Variants in SULT1E1 observed in about 807,000 individuals in gnomAD.
The protein encoded by SULT1E1 is sulfotransferase 1E1.
A neutral mutation model predicts 33.6 loss-of-function variants in SULT1E1; 36 were observed. The observed-to-expected ratio is 1.07, with a 90% CI of 0.82 to 1.41. The LOEUF (loss-of-function observed/expected upper bound fraction) is 1.41. SULT1E1 is among the 40% of genes most tolerant of loss of function. The pLI is 0.00. For missense variants in SULT1E1, 371 were observed against 345.7 expected, an observed-to-expected ratio of 1.07 and a Z score of -0.58; for synonymous variants, 121 against 111.7, an observed-to-expected ratio of 1.08 and a Z score of -0.53.
At chr4:69,843,540 A>C (rs1720920349) in intron 7 of SULT1E1, among the ~76,000 whole-genome samples, 1 of 152,092 alleles carries the variant, frequency 6.6e-6, no homozygotes, top group African/African-American at 2.4e-5. Context: ...CTGCTTCCTC[A>C]TATATAAATA....
downstream of SULT1E1, among the ~76,000 whole-genome samples, chr4:69,837,410 C>A (rs1431760372): frequency 5.3e-5 from 8 of 151,652 alleles, no homozygotes; most frequent in African/African-American, 1.5e-4. Flanking sequence ...GGCTTTTTCC[C>A]TGAAAGATAA....
chr4:69,850,396 G>A (rs1317136122), intron 4 of SULT1E1, among the ~76,000 whole-genome samples: 1 of 152,012 alleles, frequency 6.6e-6, no homozygotes, highest in Non-Finnish European at 1.5e-5. Flanking sequence ...ATGCTGTTGA[G>A]TATCCACTGT....
At chr4:69,839,235 T>C (rs1231464), downstream of SULT1E1, among the ~76,000 whole-genome samples, 18,610 of 152,248 alleles carry the variant, frequency 0.12, 1,271 homozygotes, top group Middle Eastern at 0.18. Context: ...TTGTTTGGCT[T>C]AGTTTGGGAA....
At chr4:69,849,338 G>A in intron 5 of SULT1E1, 99 bp downstream of exon 5, 1 of 1,399,354 alleles carries the variant, frequency 7.1e-7, no homozygotes, top group Non-Finnish European at 9.8e-7. Flanking sequence ...ATGAATCAGG[G>A]AAGAAAACGT....
intron 4 of SULT1E1, among the ~76,000 whole-genome samples, chr4:69,853,966 A>C (rs906889657): frequency 6.6e-6 from 1 of 152,146 alleles, no homozygotes; most frequent in African/African-American, 2.4e-5. Context: ...TGTTATTATT[A>C]TCTTTCTTCT....
chr4:69,836,296 C>T (rs191253596), downstream of SULT1E1, among the ~76,000 whole-genome samples: 7 of 152,316 alleles, frequency 4.6e-5, no homozygotes, highest in East Asian at 1.3e-3. Flanking sequence ...TCCTCCTAGT[C>T]AGTCTTGAGC....
chr4:69,845,113 CA>C (rs1245839617), intron 6 of SULT1E1, among the ~76,000 whole-genome samples: 1 of 151,798 alleles, frequency 6.6e-6, no homozygotes, highest in East Asian at 1.9e-4. Context: ...TCTAATTTAC[CA>C]CATGTGTATT....
At position 69,853,454 on chromosome 4, in the gene SULT1E1, A is replaced by T. The variant is rs1447031281; in HGVS notation, c.369+763T>A. On this transcript the variant is annotated intron_variant, in intron 4 of 7. Transcript: ENST00000226444. ...ACTTATTTAGCCAATATGTACACTT[A>T]ATCTTCCAGCCAAGCTGAACTGATT... Among the ~76,000 whole-genome samples, 7 of 152,094 alleles carry T rather than the reference A, an allele frequency of 4.6e-5. No individual in the cohort carries two copies. In the East Asian group the frequency reaches 1.3e-3, roughly 29 times the overall value.
intron 4 of SULT1E1, among the ~76,000 whole-genome samples, chr4:69,853,846 A>G (rs1721176310): frequency 6.6e-6 from 1 of 152,188 alleles, no homozygotes; most frequent in Admixed American, 6.5e-5. Flanking sequence ...ATTAGTAATA[A>G]CAACAAATAC....
At chr4:69,851,141 A>C (rs112292626) in intron 4 of SULT1E1, among the ~76,000 whole-genome samples, 19,835 of 152,126 alleles carry the variant, frequency 0.13, 1,607 homozygotes, top group African/African-American at 0.22. Flanking sequence ...AATTAAACTA[A>C]AGAGCTTCTG....
At chr4:69,822,279 G>A in the SULT1E1 span, among the ~76,000 whole-genome samples, 3 of 152,068 alleles carry the variant, frequency 2.0e-5, no homozygotes, top group Admixed American at 1.3e-4. Context: ...AAGATACTGA[G>A]GCTCTAAGTT....
chr4:69,845,178 T>C (rs1167277336), intron 6 of SULT1E1, among the ~76,000 whole-genome samples: 1 of 152,034 alleles, frequency 6.6e-6, no homozygotes, highest in African/African-American at 2.4e-5. Context: ...GTGGGGATAG[T>C]TAATAAGTAC....
chr4:69,832,149 G>T, the SULT1E1 span, among the ~76,000 whole-genome samples: 1 of 152,164 alleles, frequency 6.6e-6, no homozygotes, highest in African/African-American at 2.4e-5. Flanking sequence ...CCTTACCACA[G>T]TTCAGTAGAG....
downstream of SULT1E1, among the ~76,000 whole-genome samples, chr4:69,836,960 A>C (rs1720806675): frequency 6.6e-6 from 1 of 152,162 alleles, no homozygotes; most frequent in Non-Finnish European, 1.5e-5. Context: ...GCATGTGCCT[A>C]TAGTCTCAGC....
At chr4:69,843,244 T>A (rs1240844333) in intron 7 of SULT1E1, among the ~76,000 whole-genome samples, 1 of 152,086 alleles carries the variant, frequency 6.6e-6, no homozygotes, top group Non-Finnish European at 1.5e-5. Flanking sequence ...ATGTGTATCC[T>A]AAAAAAATCA....
chr4:69,842,676 A>G (rs1360598691), intron 7 of SULT1E1, among the ~76,000 whole-genome samples: 1 of 152,180 alleles, frequency 6.6e-6, no homozygotes, highest in South Asian at 2.1e-4. Context: ...AATTCATTAT[A>G]TTCAGGCTTT....
At chr4:69,845,123 T>A (rs189328368) in intron 6 of SULT1E1, among the ~76,000 whole-genome samples, 1 of 152,194 alleles carries the variant, frequency 6.6e-6, no homozygotes, top group Non-Finnish European at 1.5e-5. Context: ...CACATGTGTA[T>A]TTTTGTAATG....
In SULT1E1 at chr4:69,849,487, G is replaced by A. The variant is rs899287541; in HGVS notation, c.446C>T (p.Pro149Leu). ...YYFFLMVAGH[P>L]NPGSFPEFVE... ...AAACTCTGGAAAGGATCCAGGATTT[G>A]GATGACCAGCCACCATTAGAAAGAA... The change falls in exon 5 of 8, where the codon CCA becomes CTA. Residue 149 changes from proline (P) to leucine (L), a missense_variant. By Grantham distance (98) the Pro-to-Leu change is moderately conservative. Coordinates refer to ENST00000226444, the MANE Select transcript of SULT1E1 (RefSeq NM_005420.3). The A allele has an allele frequency of 1.2e-6, 2 of 1,611,492 alleles. No homozygotes were observed. The highest frequency in any genetic ancestry group is 1.7e-6 in the Non-Finnish European group (2 of 1,178,202).
chr4:69,825,780 C>T, the SULT1E1 span, among the ~76,000 whole-genome samples: 1 of 152,240 alleles, frequency 6.6e-6, no homozygotes, highest in South Asian at 2.1e-4. Flanking sequence ...GTGAGACTCG[C>T]CCATCTATCC....
Sources: allele counts gnomAD v4.1 joint callset (sites outside exome capture counted in the v4.1 genomes callset), GRCh38; gene constraint gnomAD v4.1.1; transcripts MANE v1.5; gene names NCBI Gene and HGNC (gene_info 2026-07-23, HGNC 2026-07-21).